Variants in XIRP2 observed in about 807,000 individuals in gnomAD.
The protein encoded by XIRP2 is xin actin-binding repeat-containing protein 2.
Under a neutral mutation model 277.0 loss-of-function variants are expected in XIRP2, and 236 were observed. That is an observed-to-expected ratio of 0.85 (90% CI 0.77 to 0.95). The LOEUF (loss-of-function observed/expected upper bound fraction) is 0.95, where lower values mean the gene tolerates loss of function less well. Among genes scored for constraint, XIRP2 ranks in the 40% least tolerant of loss-of-function variants. XIRP2 has a pLI of 0.00. For synonymous variants in XIRP2, 1,490 were observed against 1,416.5 expected, an observed-to-expected ratio of 1.05 and a Z score of -1.17; for missense variants, 4,640 against 4,157.5, an observed-to-expected ratio of 1.12 and a Z score of -3.19.
intron 2 of XIRP2, among the ~76,000 whole-genome samples, chr2:167,026,512 T>G (rs879300363): frequency 4.3e-4 from 66 of 152,178 alleles, no homozygotes; most frequent in Non-Finnish European, 2.5e-4. Context: ...GTTAGCTGGT[T>G]ATTTTGCTCA....
At chr2:166,934,284 G>A (rs1685433396) in intron 2 of XIRP2, among the ~76,000 whole-genome samples, 1 of 151,072 alleles carries the variant, frequency 6.6e-6, no homozygotes, top group Non-Finnish European at 1.5e-5. Context: ...CCACACTGGA[G>A]AAGCCCATGT....
intron 2 of XIRP2, among the ~76,000 whole-genome samples, chr2:167,067,496 A>G (rs1377874275): frequency 6.6e-6 from 1 of 152,188 alleles, no homozygotes; most frequent in South Asian, 2.1e-4. Flanking sequence ...TCAATTCAAG[A>G]CCACTGCAAT....
chr2:166,943,935 C>A (rs180709373), intron 2 of XIRP2, among the ~76,000 whole-genome samples: 110 of 152,304 alleles, frequency 7.2e-4, no homozygotes, highest in African/African-American at 2.5e-3. Context: ...TCCAAAAATA[C>A]TCCTTAGCAG....
chr2:167,151,599 C>T (rs1305188422), intron 3 of XIRP2, among the ~76,000 whole-genome samples: 2 of 152,122 alleles, frequency 1.3e-5, no homozygotes, highest in African/African-American at 2.4e-5. Flanking sequence ...TCTATGAATT[C>T]CCAACTTTTA....
At chr2:167,154,865 GA>G (rs1422897193) in intron 3 of XIRP2, among the ~76,000 whole-genome samples, 2 of 151,798 alleles carry the variant, frequency 1.3e-5, no homozygotes, top group Non-Finnish European at 2.9e-5. Context: ...TAATAAAGAA[GA>G]AAAGAGAGAA....
At chr2:166,940,487 G>A (rs947833243) in intron 2 of XIRP2, among the ~76,000 whole-genome samples, 7 of 152,208 alleles carry the variant, frequency 4.6e-5, no homozygotes, top group African/African-American at 1.2e-4. Flanking sequence ...TGTTGCTGGC[G>A]AGGAGCTGTG....
At chr2:167,128,922 T>C (rs1051654810) in intron 2 of XIRP2, among the ~76,000 whole-genome samples, 2 of 152,176 alleles carry the variant, frequency 1.3e-5, no homozygotes, top group Non-Finnish European at 2.9e-5. Flanking sequence ...AGATTAATTA[T>C]TCAAAAATAT....
intron 3 of XIRP2, among the ~76,000 whole-genome samples, chr2:167,153,612 T>A: frequency 6.6e-6 from 1 of 150,390 alleles, no homozygotes; most frequent in Non-Finnish European, 1.5e-5. Flanking sequence ...CCTGTGTCCA[T>A]GTGTTCTCAT....
At chr2:166,915,572 A>G (rs1394607723) in intron 2 of XIRP2, among the ~76,000 whole-genome samples, 1 of 152,188 alleles carries the variant, frequency 6.6e-6, no homozygotes, top group Non-Finnish European at 1.5e-5. Flanking sequence ...CATAGGTATT[A>G]GAGAATGAGG....
chr2:166,908,744 T>A (rs887717924), intron 2 of XIRP2, among the ~76,000 whole-genome samples: 1 of 152,232 alleles, frequency 6.6e-6, no homozygotes, highest in Admixed American at 6.5e-5. Context: ...TTTTTATGGC[T>A]TTAGGTCTGA....
intron 1 of XIRP2, among the ~76,000 whole-genome samples, chr2:166,891,981 C>A (rs1684117225): frequency 1.3e-5 from 2 of 152,254 alleles, no homozygotes; most frequent in East Asian, 1.9e-4. Context: ...GTAGTTTGAA[C>A]CTTCAGCTTG....
At chr2:166,937,964 G>A (rs180990031) in intron 2 of XIRP2, among the ~76,000 whole-genome samples, 3 of 151,764 alleles carry the variant, frequency 2.0e-5, no homozygotes, top group East Asian at 1.9e-4. Flanking sequence ...TTTTTTATTG[G>A]GTCTATTTGA....
intron 2 of XIRP2, among the ~76,000 whole-genome samples, chr2:167,000,561 T>G (rs1687337799): frequency 6.6e-6 from 1 of 151,658 alleles, no homozygotes; most frequent in Non-Finnish European, 1.5e-5. Flanking sequence ...GTGGTATGGA[T>G]TCTTCCAAGA....
At chr2:166,891,639 T>C (rs534024183) in intron 1 of XIRP2, among the ~76,000 whole-genome samples, 1 of 152,284 alleles carries the variant, frequency 6.6e-6, no homozygotes, top group East Asian at 1.9e-4. Context: ...AATTACTTGC[T>C]TTATTTGGAA....
Position 166,892,856 on chromosome 2 carries a change from TTA to T in XIRP2, c.-19+4309_-19+4310del, listed in dbSNP as rs553912061. 7.3e-3 allele frequency among the ~76,000 whole-genome samples: 1,086 copies of T among 148,452 alleles called. 9 individuals carry two copies. The highest frequency in any genetic ancestry group is 0.011 in the Admixed American group (168 of 14,706). On this transcript the variant is annotated intron_variant, in intron 1 of 10. Transcript: ENST00000409195. ...TCTATGATATGTTATAATATATGTT[TTA>T]TATATATATGTATGTGTGTATATAT...
intron 3 of XIRP2, among the ~76,000 whole-genome samples, chr2:167,173,464 T>C (rs1692753337): frequency 6.6e-6 from 1 of 152,218 alleles, no homozygotes; most frequent in Admixed American, 6.5e-5. Context: ...CAGAATCTCA[T>C]TAATTTTCAT....
At chr2:166,896,737 A>T (rs1684253921) in intron 1 of XIRP2, among the ~76,000 whole-genome samples, 1 of 152,180 alleles carries the variant, frequency 6.6e-6, no homozygotes, top group Non-Finnish European at 1.5e-5. Flanking sequence ...AGTCTACAGC[A>T]GGAGTGTACA....
At chr2:166,999,322 A>C (rs1228246681) in intron 2 of XIRP2, among the ~76,000 whole-genome samples, 4 of 152,104 alleles carry the variant, frequency 2.6e-5, no homozygotes, top group African/African-American at 7.2e-5. Flanking sequence ...ATGTTATTTT[A>C]TTCTGTTTAT....
Position 167,249,879 on chromosome 2 carries a change from T to G in XIRP2, c.8487T>G (p.Gly2829=). ...AAAATCAGGGACCATCAATGATTGG[T>G]CGAAAAGAAGAGAGATTAATAACTG... ...EEKNQGPSMI[G]RKEERLITER... Residue 2829 remains glycine, a synonymous_variant, in exon 9 of 11, where the codon GGT becomes GGG. Coordinates refer to ENST00000409195, the MANE Select transcript of XIRP2 (RefSeq NM_152381.6). The G allele has an allele frequency of 6.2e-7, 1 of 1,613,360 alleles. No homozygotes were observed. The highest frequency in any genetic ancestry group is 1.1e-5 in the South Asian group (1 of 91,052).
Sources: gnomAD v4.1 joint callset for allele counts (sites outside exome capture counted in the v4.1 genomes callset) on GRCh38, gnomAD v4.1.1 for gene constraint, MANE v1.5 for transcripts, NCBI Gene and HGNC (gene_info 2026-07-23, HGNC 2026-07-21) for gene names.